Variants in KDM4C observed in about 807,000 individuals in gnomAD.
KDM4C encodes the protein lysine-specific demethylase 4C.
A neutral mutation model predicts 129.3 loss-of-function variants in KDM4C; 81 were observed. The ratio of observed to expected loss-of-function variants is 0.63; its 90% CI spans 0.52 to 0.75. The LOEUF is 0.75. Among genes scored for constraint, KDM4C ranks in the 30% least tolerant of loss-of-function variants. The probability of loss-of-function intolerance (pLI) is 0.00; values close to 1 mark genes in which losing one functional copy is unlikely to be tolerated. For synonymous variants in KDM4C, 573 were observed against 456.1 expected (o/e 1.26, Z -3.26); for missense variants, 1,457 against 1,304.0 (o/e 1.12, Z -1.81).
intron 19 of KDM4C, among the ~76,000 whole-genome samples, chr9:7,164,243 A>T (rs1163013013): frequency 6.6e-6 from 1 of 152,172 alleles, no homozygotes; most frequent in Non-Finnish European, 1.5e-5. Flanking sequence ...CCTTGTATTA[A>T]AATTGTATTG....
chr9:6,773,280 G>C (rs1453508490), intron 1 of KDM4C, among the ~76,000 whole-genome samples: 2 of 152,140 alleles, frequency 1.3e-5, no homozygotes, highest in South Asian at 2.1e-4. Context: ...GGAGTTACAG[G>C]CTGTGCCCAG....
In KDM4C at chr9:6,986,471, T is replaced by C; in HGVS notation, c.1482T>C (p.Tyr494=). Residue 494 remains tyrosine, a synonymous_variant, in exon 11 of 22, where the codon TAT becomes TAC. Coordinates refer to ENST00000381309, the MANE Select transcript of KDM4C (RefSeq NM_015061.6). ...ADDSIPLSSG[Y]EKPEKSDPSE... ...ATTCCATTCCATTGTCTAGTGGCTA[T>C]GAGAAGCCCGAGAAATCAGACCCAT... The C allele has an allele frequency of 1.9e-6, 3 of 1,614,118 alleles. No individual in the cohort carries two copies. Among genetic ancestry groups the C allele is most frequent in the Non-Finnish European group, 2.5e-6 (3 of 1,180,002 alleles).
intron 5 of KDM4C, among the ~76,000 whole-genome samples, chr9:6,859,529 G>A (rs1248145174): frequency 7.2e-6 from 1 of 138,744 alleles, no homozygotes; most frequent in Non-Finnish European, 1.5e-5. Context: ...GACGACAGAT[G>A]TCTCAAGTAG....
intron 1 of KDM4C, among the ~76,000 whole-genome samples, chr9:6,731,533 C>G (rs959502635): frequency 6.6e-6 from 1 of 151,842 alleles, no homozygotes; most frequent in Non-Finnish European, 1.5e-5. Context: ...CGGGGTTTCT[C>G]CATGTTGAGG....
intron 11 of KDM4C, among the ~76,000 whole-genome samples, chr9:6,989,920 A>G (rs1371449881): frequency 6.9e-6 from 1 of 145,946 alleles, no homozygotes; most frequent in Admixed American, 7.0e-5. Context: ...GACCACAGGC[A>G]TATGCCTCTA....
chr9:7,057,445 C>G (rs1340198445), intron 17 of KDM4C, among the ~76,000 whole-genome samples: 1 of 152,262 alleles, frequency 6.6e-6, no homozygotes, highest in African/African-American at 2.4e-5. Flanking sequence ...AGTACAGGCT[C>G]TGGGTTAAGA....
chr9:6,737,206 T>C (rs1157626807), intron 1 of KDM4C, among the ~76,000 whole-genome samples: 1 of 151,818 alleles, frequency 6.6e-6, no homozygotes, highest in Non-Finnish European at 1.5e-5. Flanking sequence ...AGTAAAGAGC[T>C]TCTGCACAGT....
intron 8 of KDM4C, chr9:6,978,487 T>C (rs2131783737): frequency 6.6e-6 from 1 of 152,324 alleles, no homozygotes; most frequent in Non-Finnish European, 1.5e-5. Context: ...CATGGTGGCA[T>C]GTTTCTGTAC....
chr9:7,015,992 T>C lies in KDM4C; in HGVS notation c.2259+63T>C, dbSNP rs960695867. Reference sequence around the variant, plus strand: ...CCACCCTACCCACTGTGGACACATTTAAGTCTAGGGAAAAGATAAGATTGC... The same window carrying C: ...CCACCCTACCCACTGTGGACACATTCAAGTCTAGGGAAAAGATAAGATTGC... On this transcript the variant is annotated intron_variant, in intron 15 of 21. Coordinates refer to ENST00000381309, the MANE Select transcript of KDM4C (RefSeq NM_015061.6). 32 of 1,198,478 alleles carry C rather than the reference T, an allele frequency of 2.7e-5. 1 individual carries two copies. The highest frequency in any genetic ancestry group is 3.8e-5 in the Non-Finnish European group (31 of 806,872). 74.2% of individuals were successfully genotyped at this position (1,198,478 alleles called of 1,614,324 possible). A position where few individuals can be genotyped will look rare whatever the true frequency, so the allele number is the denominator to read the frequency against.
At chr9:6,942,564 A>G (rs1826156618) in intron 8 of KDM4C, 1 of 152,068 alleles carries the variant, frequency 6.6e-6, no homozygotes, top group Non-Finnish European at 1.5e-5. Context: ...TTCTGCTACC[A>G]GGATGGCTTG....
chr9:6,799,925 T>C (rs1828610590), intron 2 of KDM4C, among the ~76,000 whole-genome samples: 1 of 152,112 alleles, frequency 6.6e-6, no homozygotes, highest in South Asian at 2.1e-4. Context: ...TCATATTCTT[T>C]TCAAATATTG....
At chr9:7,002,396 A>T (rs1343688154) in intron 12 of KDM4C, among the ~76,000 whole-genome samples, 2 of 152,350 alleles carry the variant, frequency 1.3e-5, no homozygotes, top group South Asian at 4.1e-4. Context: ...ACAATGTGGA[A>T]TAAGTTAGTT....
intron 1 of KDM4C, among the ~76,000 whole-genome samples, chr9:6,785,030 T>G (rs1588243780): frequency 6.6e-6 from 1 of 152,184 alleles, no homozygotes; most frequent in South Asian, 2.1e-4. Flanking sequence ...CTCCTTTCCC[T>G]CCAGTCTGGC....
chr9:6,767,383 C>T lies in KDM4C; in HGVS notation c.-18+9180C>T, dbSNP rs985644984. Among the ~76,000 whole-genome samples, 35 of 151,826 alleles carry T rather than the reference C, an allele frequency of 2.3e-4. 1 individual carries two copies. The highest frequency in any genetic ancestry group is 6.1e-4 in the African/African-American group (25 of 41,298). On this transcript the variant is annotated intron_variant, in intron 1 of 21. Transcript: ENST00000381309. The stretch of plus-strand genomic sequence containing the variant: ...GTCTCGAACTCCTGACCTTGTGATC[C>T]GCCTGCCTCAGCCTCCCAAAGTGTT...
chr9:6,730,537 C>G (rs1337625776), intron 1 of KDM4C, among the ~76,000 whole-genome samples: 1 of 151,772 alleles, frequency 6.6e-6, no homozygotes, highest in African/African-American at 2.4e-5. Context: ...ATGGCGTGAA[C>G]CCGGGAGGCG....
At chr9:6,841,515 A>G (rs368833784) in intron 4 of KDM4C, among the ~76,000 whole-genome samples, 13 of 152,312 alleles carry the variant, frequency 8.5e-5, no homozygotes, top group African/African-American at 2.4e-4. Context: ...ATGATTAGTA[A>G]TAATCGTGTG....
intron 1 of KDM4C, among the ~76,000 whole-genome samples, chr9:6,762,206 G>A (rs545606191): frequency 2.6e-5 from 4 of 152,200 alleles, no homozygotes; most frequent in South Asian, 4.1e-4. Flanking sequence ...TGATCAACTC[G>A]TTGTTTACAT....
chr9:7,158,667 A>C (rs1004029150), intron 19 of KDM4C, among the ~76,000 whole-genome samples: 34 of 152,170 alleles, frequency 2.2e-4, no homozygotes, highest in African/African-American at 8.0e-4. Flanking sequence ...GAGTTTCTTT[A>C]TCCTGAGTTC....
intron 17 of KDM4C, among the ~76,000 whole-genome samples, chr9:7,081,389 C>T (rs1171668397): frequency 6.6e-6 from 1 of 152,140 alleles, no homozygotes; most frequent in Non-Finnish European, 1.5e-5. Flanking sequence ...GGCTGGCGTG[C>T]ACAGAGCTTT....
Sources: allele counts gnomAD v4.1 joint callset (sites outside exome capture counted in the v4.1 genomes callset), GRCh38; gene constraint gnomAD v4.1.1; transcripts MANE v1.5; gene names NCBI Gene and HGNC (gene_info 2026-07-23, HGNC 2026-07-21).